SEM1: variants seen among roughly 807,000 people sequenced by gnomAD.
The protein encoded by SEM1 is 26S proteasome complex subunit SEM1.
In SEM1, 3 loss-of-function variants were observed where a neutral mutation model predicts 12.7. The ratio of observed to expected loss-of-function variants is 0.24; its 90% confidence interval spans 0.11 to 0.61. The LOEUF (loss-of-function observed/expected upper bound fraction) is 0.61. Ranked by LOEUF, SEM1 falls within the 20% of genes least tolerant of loss-of-function variation. SEM1 has a pLI of 0.88. For synonymous variants in SEM1, 30 were observed against 27.8 expected, an observed-to-expected ratio of 1.08 and a Z score of -0.25; for missense variants, 59 against 81.3, an observed-to-expected ratio of 0.73 and a Z score of 1.06.
chr7:96,600,550 C>T (rs1181225333), intron 2 of SEM1, among the ~76,000 whole-genome samples: 3 of 152,166 alleles, frequency 2.0e-5, no homozygotes, highest in South Asian at 2.1e-4. Context: ...GAATCTACAA[C>T]TCAGTGAGTG....
exon 4 of SEM1, chr7:96,483,700 C>G: frequency 2.4e-6 from 2 of 837,826 alleles, no homozygotes; most frequent in East Asian, 2.7e-5. Context: ...TCTGTCTGAA[C>G]TTGTCATGTG....
At chr7:96,526,111 CT>C (rs1804456826) in intron 2 of SEM1, among the ~76,000 whole-genome samples, 2 of 152,072 alleles carry the variant, frequency 1.3e-5, no homozygotes, top group African/African-American at 2.4e-5. Context: ...AAACCAACCC[CT>C]GTCAAACTTT....
At chr7:96,693,386 A>G (rs1326467398) in intron 2 of SEM1, among the ~76,000 whole-genome samples, 1 of 152,064 alleles carries the variant, frequency 6.6e-6, no homozygotes, top group Non-Finnish European at 1.5e-5. Context: ...TATATGCAGA[A>G]GAATGAGCTG....
chr7:96,628,361 C>A (rs1222376441), intron 2 of SEM1, among the ~76,000 whole-genome samples: 1 of 151,972 alleles, frequency 6.6e-6, no homozygotes, highest in Non-Finnish European at 1.5e-5. Context: ...GTTTTTTCCT[C>A]TGGTGATATA....
chr7:96,522,292 C>T (rs1377599290), intron 2 of SEM1, among the ~76,000 whole-genome samples: 1 of 152,036 alleles, frequency 6.6e-6, no homozygotes, highest in African/African-American at 2.4e-5. Flanking sequence ...CCTCTGGGTG[C>T]TGAGGAATTA....
At chr7:96,490,761 G>A (rs552539501) in intron 1 of SEM1, among the ~76,000 whole-genome samples, 2 of 152,228 alleles carry the variant, frequency 1.3e-5, no homozygotes, top group Admixed American at 6.5e-5. Context: ...AAATCAGAGC[G>A]AGAGAGGCTT....
At chr7:96,491,458 T>C (rs181703077) in intron 1 of SEM1, among the ~76,000 whole-genome samples, 239 of 152,322 alleles carry the variant, frequency 1.6e-3, no homozygotes, top group Admixed American at 3.9e-3. Context: ...AAACGTCAGC[T>C]TTCTGAGAAC....
At chr7:96,601,642 G>A (rs1315018140) in intron 2 of SEM1, among the ~76,000 whole-genome samples, 1 of 152,152 alleles carries the variant, frequency 6.6e-6, no homozygotes, top group Non-Finnish European at 1.5e-5. Context: ...AGGGCCTTAT[G>A]AGCTTTTCTA....
chr7:96,618,066 CT>C (rs1807773844), downstream of SEM1, among the ~76,000 whole-genome samples: 1 of 152,084 alleles, frequency 6.6e-6, no homozygotes, highest in Admixed American at 6.5e-5. Flanking sequence ...GAGTTCCCCC[CT>C]CCTCATTTTT....
At chr7:96,492,666 A>G (rs1036654997) in intron 1 of SEM1, among the ~76,000 whole-genome samples, 2 of 142,846 alleles carry the variant, frequency 1.4e-5, no homozygotes, top group Admixed American at 7.6e-5. Flanking sequence ...TCTGGGCTCA[A>G]GCGATCCACC....
intron 2 of SEM1, among the ~76,000 whole-genome samples, chr7:96,693,759 CTTGT>C (rs1790001925): frequency 1.8e-5 from 2 of 108,650 alleles, no homozygotes; most frequent in African/African-American, 8.6e-5. Flanking sequence ...AACAATTCCA[CTTGT>C]GTGTGTGTGT....
At chr7:96,703,615 A>G (rs1050830593) in intron 1 of SEM1, among the ~76,000 whole-genome samples, 4 of 151,878 alleles carry the variant, frequency 2.6e-5, no homozygotes, top group Non-Finnish European at 5.9e-5. Flanking sequence ...CAAAAACCCT[A>G]AAGCTATAAG....
chr7:96,530,295 G>A (rs1365049008), intron 2 of SEM1, among the ~76,000 whole-genome samples: 2 of 152,090 alleles, frequency 1.3e-5, no homozygotes, highest in African/African-American at 4.8e-5. Context: ...GTAGCTGCTG[G>A]TGGTGGAGGT....
chr7:96,581,505 A>G lies in SEM1; in HGVS notation c.171-74807T>C, dbSNP rs369180509. Among the ~76,000 whole-genome samples, 74 of 152,152 alleles carry G rather than the reference A, an allele frequency of 4.9e-4. No homozygotes were observed. The East Asian group carries it at 9.8e-3, about 20-fold the overall frequency. On this transcript the variant is annotated intron_variant and NMD_transcript_variant, in intron 2 of 3. Coordinates refer to the SEM1 transcript ENST00000466986. ...TAAAGTAGTTTTTTCCAATTCTGTG[A>G]AGAAAGTCATTGGTAGCTTGATGGG...
intron 2 of SEM1, among the ~76,000 whole-genome samples, chr7:96,603,414 G>A (rs1048885440): frequency 1.3e-5 from 2 of 152,122 alleles, no homozygotes; most frequent in Admixed American, 1.3e-4. Context: ...GTGAGCTATG[G>A]AGGAAGATGT....
At chr7:96,509,802 A>C (rs1003156109) in intron 2 of SEM1, among the ~76,000 whole-genome samples, 9 of 152,146 alleles carry the variant, frequency 5.9e-5, no homozygotes, top group Admixed American at 5.9e-4. Flanking sequence ...GCAAAAGGAC[A>C]AATATTGTAT....
chr7:96,496,288 C>T, exon 1 of SEM1: 1 of 1,519,284 alleles, frequency 6.6e-7, no homozygotes, highest in African/African-American at 1.4e-5. Context: ...TCCTACCTGG[C>T]AATACATGTT....
intron 1 of SEM1, among the ~76,000 whole-genome samples, chr7:96,703,713 C>A (rs1001151453): frequency 1.3e-5 from 2 of 151,724 alleles, no homozygotes; most frequent in Admixed American, 1.3e-4. Flanking sequence ...CCTGGGAAGA[C>A]TGATGGGAAG....
chr7:96,613,025 TGCAAAC>T (rs1807590879), intron 2 of SEM1, among the ~76,000 whole-genome samples: 1 of 152,230 alleles, frequency 6.6e-6, no homozygotes, highest in African/African-American at 2.4e-5. Context: ...CATCTGTACC[TGCAAAC>T]TAAAGTGAGC....
Sources: allele counts gnomAD v4.1 joint callset (sites outside exome capture counted in the v4.1 genomes callset), GRCh38; gene constraint gnomAD v4.1.1; transcripts MANE v1.5; gene names NCBI Gene and HGNC (gene_info 2026-07-23, HGNC 2026-07-21).